Variants in CGA observed in about 807,000 individuals in gnomAD.
CGA encodes glycoprotein hormones, alpha polypeptide.
Under a neutral mutation model 12.0 loss-of-function variants are expected in CGA, and 4 were observed. That is an observed-to-expected ratio of 0.33 (90% CI 0.16 to 0.76). The LOEUF is 0.76. Ranked by LOEUF, CGA falls within the 30% of genes least tolerant of loss-of-function variation. The probability of loss-of-function intolerance (pLI) is 0.60; values close to 1 mark genes in which losing one functional copy is unlikely to be tolerated. For missense variants in CGA, 102 were observed against 143.5 expected (o/e 0.71, Z 1.48); for synonymous variants, 60 against 56.6 (o/e 1.06, Z -0.27).
intron 1 of CGA, among the ~76,000 whole-genome samples, chr6:87,094,279 G>C (rs1045471240): frequency 6.6e-6 from 1 of 152,074 alleles, no homozygotes; most frequent in Non-Finnish European, 1.5e-5. Context: ...GGACAAAAAA[G>C]GTCTTTTATT....
At chr6:87,089,566 T>C (rs1456333746) in intron 1 of CGA, among the ~76,000 whole-genome samples, 1 of 152,224 alleles carries the variant, frequency 6.6e-6, no homozygotes, top group Non-Finnish European at 1.5e-5. Flanking sequence ...ATAAAAGTTT[T>C]TTTAAAAAAA....
At position 87,088,301 on chromosome 6, in the gene CGA, CTATTAA is replaced by C. The variant is rs571813061; in HGVS notation, c.-7-100_-7-95del. 1.7e-3 allele frequency: 1,057 copies of C among 636,998 alleles called. 6 individuals carry two copies. The highest frequency in any genetic ancestry group is 1.6e-3 in the Non-Finnish European group (612 of 373,732). The allele number at this position is 636,998 out of a possible 1,614,324, so 39.5% of individuals were successfully genotyped here. ...ACAACAACCAGTAGTTTCAACATTA[CTATTAA>C]TAATAGTCATCAGTGTCTTGACCTC... is the stretch of plus-strand genomic sequence containing the variant. On this transcript the variant is annotated intron_variant, in intron 1 of 3. Coordinates refer to ENST00000627148, the MANE Select transcript of CGA (RefSeq NM_000735.4).
intron 1 of CGA, among the ~76,000 whole-genome samples, chr6:87,089,371 TTA>T (rs1048297538): frequency 2.2e-5 from 3 of 134,694 alleles, no homozygotes; most frequent in African/African-American, 8.0e-5. Flanking sequence ...AGCACTAGTA[TTA>T]TGTGTGTGTG....
chr6:87,092,506 C>A (rs1179941629), intron 1 of CGA, among the ~76,000 whole-genome samples: 2 of 136,630 alleles, frequency 1.5e-5, no homozygotes, highest in African/African-American at 5.6e-5. Flanking sequence ...GTGAGAAACC[C>A]CGTCTTGAAA....
intron 1 of CGA, among the ~76,000 whole-genome samples, chr6:87,091,199 G>T (rs1000547065): frequency 1.3e-5 from 2 of 152,098 alleles, no homozygotes; most frequent in African/African-American, 4.8e-5. Context: ...AAGTCAATGC[G>T]CATTTTAGAA....
intron 3 of CGA, 185 bp from the exon 4 acceptor site, chr6:87,086,018 C>T (rs748154308): frequency 6.1e-6 from 4 of 656,472 alleles, no homozygotes; most frequent in Non-Finnish European, 1.1e-5. Context: ...TTCTCCCAAC[C>T]TGCCCCTTGT....
At chr6:87,086,103 T>C (rs762304356) in intron 3 of CGA, 147 bp downstream of exon 3, 1 of 724,664 alleles carries the variant, frequency 1.4e-6, no homozygotes, top group Non-Finnish European at 2.3e-6. Context: ...TTTTAATTAA[T>C]GGGTAGAAAT....
At chr6:87,086,553 G>T (rs1282680009) in intron 2 of CGA, 119 bp from the exon 3 acceptor site, 3 of 894,296 alleles carry the variant, frequency 3.4e-6, no homozygotes, top group Non-Finnish European at 5.1e-6. Context: ...TTAGTGGGTG[G>T]ATTGCTTGAG....
At chr6:87,092,138 T>C (rs1769444114) in intron 1 of CGA, among the ~76,000 whole-genome samples, 1 of 151,986 alleles carries the variant, frequency 6.6e-6, no homozygotes, top group African/African-American at 2.4e-5. Context: ...TGAAGCCCCT[T>C]GTTCATTGCC....
At chr6:87,092,742 CTTT>C (rs35436814) in intron 1 of CGA, among the ~76,000 whole-genome samples, 4,150 of 78,060 alleles carry the variant, frequency 0.053, 101 homozygotes, top group African/African-American at 0.13. Context: ...CATTAGCTTT[CTTT>C]TTTTTTTTTT....
intron 1 of CGA, among the ~76,000 whole-genome samples, chr6:87,094,303 T>C (rs1469928260): frequency 6.6e-6 from 1 of 152,200 alleles, no homozygotes; most frequent in Non-Finnish European, 1.5e-5. Context: ...TAGTGTCTAT[T>C]TCCCAATCAG....
chr6:87,089,342 G>C (rs914810407), intron 1 of CGA, among the ~76,000 whole-genome samples: 3 of 151,536 alleles, frequency 2.0e-5, no homozygotes, highest in Non-Finnish European at 4.4e-5. Flanking sequence ...TCTACACATG[G>C]GATAAAACTG....
intron 2 of CGA, among the ~76,000 whole-genome samples, chr6:87,087,098 G>GGCAAGGCAAC (rs1769338567): frequency 6.6e-6 from 1 of 152,096 alleles, no homozygotes; most frequent in South Asian, 2.1e-4. Context: ...GGCAAGGCAA[G>GGCAAGGCAAC]ACAAGGCAAG....
At position 87,088,557 on chromosome 6, in the gene CGA, G is replaced by A. The variant is rs893271835; in HGVS notation, c.-7-350C>T. On this transcript the variant is annotated intron_variant, in intron 1 of 3. Coordinates refer to ENST00000627148, the MANE Select transcript of CGA (RefSeq NM_000735.4). ...CTCAATGTCCTTATTTGTAAAACAT[G>A]GAACTTAAACTAGATAATACCTAAG... Among the ~76,000 whole-genome samples the A allele has an allele frequency of 5.9e-5, 9 of 151,654 alleles. No homozygotes were observed. The East Asian group carries it at 1.5e-3, about 26-fold the overall frequency.
Position 87,088,189 on chromosome 6 carries a change from G to T in CGA, c.12C>A (p.Tyr4Ter). ...CCAGAAAGATAGCTGCATATTTTCT[G>T]TAGTAATCCATGGCGCTCCTGCAGA... MDY[Y>*]RKYAAIFLVT... The change falls in exon 2 of 4, where the codon TAC becomes TAA. Residue 4 changes from tyrosine (Y) to a stop codon, truncating the protein, a stop_gained. Coordinates refer to ENST00000627148, the MANE Select transcript of CGA (RefSeq NM_000735.4). LOFTEE classifies it high-confidence loss of function. The T allele has an allele frequency of 2.0e-6, 3 of 1,499,944 alleles. No individual in the cohort carries two copies. The highest frequency in any genetic ancestry group is 2.7e-6 in the Non-Finnish European group (3 of 1,106,980). The allele number at this position is 1,499,944 out of a possible 1,614,324, so 92.9% of individuals were successfully genotyped here.
At chr6:87,085,969 C>T in intron 3 of CGA, 136 bp from the exon 4 acceptor site, 1 of 718,316 alleles carries the variant, frequency 1.4e-6, no homozygotes, top group South Asian at 1.7e-5. Context: ...TGCACAGTCT[C>T]CTTTTTAGGA....
rs1173061040 is a variant in CGA at position 87,086,355 on chromosome 6, G to A, written c.168C>T (p.Cys56=). 2 of 1,613,904 alleles carry A rather than the reference G, an allele frequency of 1.2e-6. No homozygotes were observed. Among genetic ancestry groups the A allele is most frequent in the African/African-American group, 2.7e-5 (2 of 74,888 alleles). ...GAPILQCMGC[C]FSRAYPTPLR... The stretch of plus-strand genomic sequence containing the variant: ...GTGGAGTGGGATATGCTCTAGAGAA[G>A]CAGCAGCCCATGCACTGAAGTATTG... The change falls in exon 3 of 4, where the codon TGC becomes TGT. Residue 56 remains cysteine, a synonymous_variant. Transcript: ENST00000627148.
chr6:87,090,804 A>ATTTTTT (rs71014987), intron 1 of CGA, among the ~76,000 whole-genome samples: 2 of 140,408 alleles, frequency 1.4e-5, no homozygotes, highest in Non-Finnish European at 1.5e-5. Flanking sequence ...CGCTTGGCTA[A>ATTTTTT]TTTTTTTTTT....
rs1478436248 is a variant in CGA at position 87,086,345 on chromosome 6, C to T, written c.178G>A (p.Ala60Thr). The T allele has an allele frequency of 6.2e-7, 1 of 1,613,972 alleles. No homozygotes were observed. The highest frequency in any genetic ancestry group is 1.7e-5 in the Admixed American group (1 of 59,998). ...TTGGACCTTAGTGGAGTGGGATATGCTCTAGAGAAGCAGCAGCCCATGCAC... is the reference window on the plus strand; with the variant it reads ...TTGGACCTTAGTGGAGTGGGATATGTTCTAGAGAAGCAGCAGCCCATGCAC... ...LQCMGCCFSR[A>T]YPTPLRSKKT... The change falls in exon 3 of 4, where the codon GCA (alanine) becomes ACA (threonine). Residue 60 changes from alanine (A) to threonine (T), a missense_variant. Transcript: ENST00000627148.
Sources: allele counts gnomAD v4.1 joint callset (sites outside exome capture counted in the v4.1 genomes callset), GRCh38; gene constraint gnomAD v4.1.1; transcripts MANE v1.5; gene names NCBI Gene and HGNC (gene_info 2026-07-23, HGNC 2026-07-21).